The following NEK5 variants were observed in gnomAD, a reference collection of about 807,000 sequenced individuals.
NEK5 encodes serine/threonine-protein kinase Nek5.
In NEK5, 88 loss-of-function variants were observed where a neutral mutation model predicts 109.2. The observed-to-expected ratio is 0.81, with a 90% confidence interval of 0.68 to 0.96. The LOEUF is 0.96. NEK5 is among the 40% of genes least tolerant of loss of function. The pLI is 0.00. For missense variants in NEK5, 834 were observed against 920.7 expected (o/e 0.91, Z 1.22); for synonymous variants, 283 against 299.9 (o/e 0.94, Z 0.58).
In NEK5 at chr13:52,065,584, A is replaced by G; in HGVS notation, c.1875T>C (p.Ala625=). ...EAGFSTQTVA[A]VGNRRQWDGG... ...CATCCCACTGCCTCCTGTTTCCCAC[A>G]GCAGCTACAGTCTGCGTGGAAAACC... Residue 625 remains alanine, a synonymous_variant, in exon 21 of 24, where the codon GCT becomes GCC. Transcript: ENST00000684899. 1.2e-6 allele frequency: 2 copies of G among 1,613,828 alleles called. No individual in the cohort carries two copies. Among genetic ancestry groups the G allele is most frequent in the Non-Finnish European group, 1.7e-6 (2 of 1,179,684 alleles).
At chr13:52,085,109 G>C (rs1955113237) in intron 16 of NEK5, among the ~76,000 whole-genome samples, 1 of 152,098 alleles carries the variant, frequency 6.6e-6, no homozygotes, top group Non-Finnish European at 1.5e-5. Flanking sequence ...ATTTGTCAAG[G>C]GTGGGGCCAG....
At chr13:52,101,486 G>A (rs1955529533) in intron 11 of NEK5, among the ~76,000 whole-genome samples, 1 of 152,114 alleles carries the variant, frequency 6.6e-6, no homozygotes, top group South Asian at 2.1e-4. Context: ...AGTTCTTACT[G>A]TTATCAATTA....
chr13:52,106,766 C>CAA (rs879640846), intron 8 of NEK5, among the ~76,000 whole-genome samples: 2 of 134,850 alleles, frequency 1.5e-5, no homozygotes. Flanking sequence ...GACTCCATCT[C>CAA]AAAAAAAAAA....
chr13:52,038,300 A>C lies in NEK5; in HGVS notation c.2229-1082T>G, dbSNP rs1313991290. ...TCGCACCACTGCACTCCAGCCTGGG[A>C]GACAGAGCGAGACTCCATCTCAAAA... On this transcript the variant is annotated intron_variant, in intron 23 of 23. Transcript: ENST00000684899. 5.3e-5 allele frequency among the ~76,000 whole-genome samples: 8 copies of C among 149,874 alleles called. No individual in the cohort carries two copies. The East Asian group carries it at 1.2e-3, about 23-fold the overall frequency.
At chr13:52,072,551 G>A (rs997905117) in intron 19 of NEK5, among the ~76,000 whole-genome samples, 6 of 152,138 alleles carry the variant, frequency 3.9e-5, no homozygotes, top group African/African-American at 1.4e-4. Context: ...CATTTCAGCA[G>A]GGCAACGTCA....
intron 13 of NEK5, among the ~76,000 whole-genome samples, chr13:52,090,511 C>A (rs555920590): frequency 1.3e-5 from 2 of 152,088 alleles, no homozygotes; most frequent in African/African-American, 4.8e-5. Flanking sequence ...GGAATTGATA[C>A]GAGGATTAGA....
At chr13:52,044,689 G>A (rs1319642775) in intron 23 of NEK5, among the ~76,000 whole-genome samples, 3 of 152,190 alleles carry the variant, frequency 2.0e-5, no homozygotes, top group African/African-American at 7.2e-5. Flanking sequence ...ATAGAGAAGG[G>A]CTTATATCAA....
intron 23 of NEK5, among the ~76,000 whole-genome samples, chr13:52,049,569 C>T (rs948859360): frequency 6.6e-6 from 1 of 151,746 alleles, no homozygotes; most frequent in African/African-American, 2.4e-5. Flanking sequence ...CAAAGAGGTA[C>T]AGCAGGGGTG....
In NEK5 at chr13:52,037,075, AT is replaced by A. The variant is rs1449275672; in HGVS notation, c.2371del (p.Ile791Ter). On this transcript the variant is annotated frameshift_variant, in exon 24 of 24. Coordinates refer to ENST00000684899, the MANE Select transcript of NEK5 (RefSeq NM_001365552.1). LOFTEE classifies it high-confidence loss of function. ...TAATTCTTCAGATTTCTGCATACTTATCCCCTCTCTTTCTCTTGACTTTCTA... is the reference window on the plus strand; with the variant it reads ...TAATTCTTCAGATTTCTGCATACTTACCCCTCTCTTTCTCTTGACTTTCTA... ...DSRKSREREG[I>X]SMQKSEELRE... 2 of 985,256 alleles carry A rather than the reference AT, an allele frequency of 2.0e-6. No individual in the cohort carries two copies. The highest frequency in any genetic ancestry group is 1.2e-6 in the Non-Finnish European group (1 of 829,908). The allele number at this position is 985,256 out of a possible 1,614,324, so 61.0% of individuals were successfully genotyped here. A position where few individuals can be genotyped will look rare whatever the true frequency, so the allele number is the denominator to read the frequency against.
chr13:52,128,277 C>A (rs1251874400), intron 1 of NEK5, among the ~76,000 whole-genome samples: 2 of 152,076 alleles, frequency 1.3e-5, no homozygotes, highest in Non-Finnish European at 2.9e-5. Flanking sequence ...GAATTGTTCA[C>A]CATTTGGGAA....
chr13:52,098,467 T>C (rs562658538), intron 12 of NEK5, among the ~76,000 whole-genome samples: 2 of 152,042 alleles, frequency 1.3e-5, no homozygotes, highest in Non-Finnish European at 2.9e-5. Flanking sequence ...AAAATACAAT[T>C]CTTTAATTAA....
chr13:52,064,263 C>CGGGA, intron 21 of NEK5, among the ~76,000 whole-genome samples: 2 of 137,982 alleles, frequency 1.4e-5, no homozygotes, highest in South Asian at 2.3e-4. Flanking sequence ...CCGCCCCGTC[C>CGGGA]GGGAGGTGAG....
intron 3 of NEK5, among the ~76,000 whole-genome samples, chr13:52,121,586 G>T (rs1955971630): frequency 6.6e-6 from 1 of 152,178 alleles, no homozygotes; most frequent in Non-Finnish European, 1.5e-5. Context: ...ATGCACGCTT[G>T]TTTTAAGTCA....
intron 23 of NEK5, among the ~76,000 whole-genome samples, chr13:52,041,544 A>G (rs1954413502): frequency 6.6e-6 from 1 of 151,912 alleles, no homozygotes; most frequent in African/African-American, 2.4e-5. Context: ...CCTGGCCAAC[A>G]TGGTGAAACC....
chr13:52,078,267 C>CAT (rs1954903973), intron 17 of NEK5, among the ~76,000 whole-genome samples: 1 of 152,086 alleles, frequency 6.6e-6, no homozygotes, highest in Admixed American at 6.5e-5. Flanking sequence ...TAAATCTCAA[C>CAT]ATTATTATGT....
chr13:52,105,238 A>AGTGTGTGT (rs5803594), intron 8 of NEK5, among the ~76,000 whole-genome samples: 74 of 148,250 alleles, frequency 5.0e-4, no homozygotes, highest in African/African-American at 1.0e-3. Flanking sequence ...TTTGTGCATG[A>AGTGTGTGT]GTGTGTGTGT....
rs1028778277 is a variant in NEK5, at chr13:52,127,459, C to A, written c.24G>T (p.Lys8Asn). ...TCCCGAAGGCACCTTGCCCGATGGC[C>A]TTAATCACATCGTACTTATCCATGG... is the stretch of plus-strand genomic sequence containing the variant. MDKYDVIKAIGQGAFGKA... is the reference protein window; with the variant it reads MDKYDVINAIGQGAFGKA... Residue 8 changes from lysine (K) to asparagine (N), a missense_variant, in exon 3 of 24, where the codon AAG becomes AAT. This residue lies in a region of NEK5 where 777 missense variants were observed against 824.7 expected (regional missense o/e 0.94). Transcript: ENST00000684899. 1.1e-5 allele frequency: 18 copies of A among 1,608,942 alleles called. No individual in the cohort carries two copies. Among genetic ancestry groups the A allele is most frequent in the Non-Finnish European group, 1.4e-5 (17 of 1,175,326 alleles).
chr13:52,054,536 C>T (rs1954535778), intron 22 of NEK5, among the ~76,000 whole-genome samples: 1 of 152,194 alleles, frequency 6.6e-6, no homozygotes, highest in African/African-American at 2.4e-5. Context: ...CCTCTGCAGA[C>T]TTAAAAGTCC....
At chr13:52,038,366 A>C (rs532571699) in intron 23 of NEK5, among the ~76,000 whole-genome samples, 2 of 152,276 alleles carry the variant, frequency 1.3e-5, no homozygotes, top group South Asian at 4.1e-4. Flanking sequence ...GGAGATTGAG[A>C]AAGAGCTGAT....
Sources: gnomAD v4.1 joint callset for allele counts (sites outside exome capture counted in the v4.1 genomes callset) on GRCh38, gnomAD v4.1.1 for gene constraint, gnomAD v4.1.1 regional missense constraint, MANE v1.5 for transcripts, NCBI Gene and HGNC (gene_info 2026-07-23, HGNC 2026-07-21) for gene names.